Variants in EIF3H observed in about 807,000 individuals in gnomAD.
The protein encoded by EIF3H is eIF-3-gamma.
EIF3H carries 26 observed loss-of-function variants against 44.2 expected under a neutral mutation model. The observed-to-expected ratio is 0.59, with a 90% CI of 0.43 to 0.82. EIF3H has a LOEUF of 0.82. Ranked by LOEUF, EIF3H falls within the 40% of genes least tolerant of loss-of-function variation. The pLI, the probability that EIF3H is intolerant of heterozygous loss-of-function variation, is 0.00. For missense variants in EIF3H, 359 were observed against 432.8 expected (o/e 0.83, Z 1.51); for synonymous variants, 166 against 151.9 (o/e 1.09, Z -0.68).
chr8:116,743,358 G>C (rs1815161575), intron 1 of EIF3H, among the ~76,000 whole-genome samples: 2 of 152,110 alleles, frequency 1.3e-5, no homozygotes, highest in South Asian at 4.1e-4. Flanking sequence ...AGGCTGAGGA[G>C]GAGGATCACT....
In EIF3H at chr8:116,673,955, A is replaced by G. The variant is rs943370944; in HGVS notation, c.290-14975T>C. On this transcript the variant is annotated intron_variant, in intron 2 of 7. Coordinates refer to ENST00000521861, the MANE Select transcript of EIF3H (RefSeq NM_003756.3). ...CGTGGTGGTGGGCGCCTGTAGTCCC[A>G]GCTACCCGGGAGGCTGAGGCAGGAG... Among the ~76,000 whole-genome samples, 7 of 151,274 alleles carry G rather than the reference A, an allele frequency of 4.6e-5. No individual in the cohort carries two copies. In the South Asian group the frequency reaches 1.0e-3, roughly 23 times the overall value.
chr8:116,655,873 C>A lies in EIF3H; in HGVS notation c.690G>T (p.Leu230Phe), dbSNP rs761373388. ...KKSAVADKHE[L>F]LSLASSNHLG... ...CCACTTACCTGCTGGCAAGGCTGAG[C>A]AATTCATGTTTATCTGCAACAGCTG... The change falls in exon 5 of 8, where the codon TTG (leucine) becomes TTT (phenylalanine). Residue 230 changes from leucine (L) to phenylalanine (F), a missense_variant. Around this residue, in one of 5 missense-constraint regions of EIF3H, gnomAD observed 30 missense variants for 59.5 expected, o/e 0.50. Transcript: ENST00000521861. 3 of 1,613,708 alleles carry A rather than the reference C, an allele frequency of 1.9e-6. No homozygotes were observed. The highest frequency in any genetic ancestry group is 2.2e-5 in the East Asian group (1 of 44,846).
intron 2 of EIF3H, among the ~76,000 whole-genome samples, chr8:116,718,175 TACC>T (rs1333874898): frequency 6.6e-6 from 1 of 151,964 alleles, no homozygotes; most frequent in African/African-American, 2.4e-5. Flanking sequence ...CACAATGCAA[TACC>T]ACCTTACTCC....
intron 1 of EIF3H, among the ~76,000 whole-genome samples, chr8:116,755,184 T>C (rs966457640): frequency 6.6e-6 from 1 of 152,216 alleles, no homozygotes; most frequent in Admixed American, 6.5e-5. Flanking sequence ...TATTCTAAAT[T>C]ATACGGTTTC....
intron 1 of EIF3H, among the ~76,000 whole-genome samples, chr8:116,738,320 T>C (rs1332351494): frequency 1.3e-5 from 2 of 152,158 alleles, no homozygotes; most frequent in African/African-American, 2.4e-5. Context: ...ATTTGTAAAA[T>C]ATGGGCTGAA....
chr8:116,738,244 T>C (rs1815076193), intron 1 of EIF3H, among the ~76,000 whole-genome samples: 1 of 152,216 alleles, frequency 6.6e-6, no homozygotes. Context: ...TCATTTTTTC[T>C]GACAGTACTA....
intron 2 of EIF3H, among the ~76,000 whole-genome samples, chr8:116,661,435 C>T (rs562440852): frequency 1.5e-4 from 23 of 152,290 alleles, no homozygotes; most frequent in African/African-American, 4.1e-4. Context: ...ATCTAGAGGT[C>T]GAGGTTCTCA....
rs376099641 is a variant in EIF3H, at chr8:116,715,862, C to T, written c.289+10154G>A. Among the ~76,000 whole-genome samples the T allele has an allele frequency of 2.0e-5, 3 of 151,578 alleles. No homozygotes were observed. The East Asian group carries it at 5.8e-4, about 29-fold the overall frequency. ...TCTGCTAAGCTTGATAACAGTGCCC[C>T]CTAATGGGAATTTTAGTATGAGTTT... On this transcript the variant is annotated intron_variant, in intron 2 of 7. Coordinates refer to ENST00000521861, the MANE Select transcript of EIF3H (RefSeq NM_003756.3).
chr8:116,659,032 C>G, intron 2 of EIF3H, 52 bp from the exon 3 acceptor site: 1 of 1,483,264 alleles, frequency 6.7e-7, no homozygotes, highest in Non-Finnish European at 9.1e-7. Flanking sequence ...AATGATGTTA[C>G]CAACATCAAA....
At chr8:116,699,443 T>C (rs1215603517) in intron 2 of EIF3H, among the ~76,000 whole-genome samples, 1 of 152,152 alleles carries the variant, frequency 6.6e-6, no homozygotes, top group Non-Finnish European at 1.5e-5. Flanking sequence ...CAAATTAACC[T>C]AGGGACAGAA....
At chr8:116,711,459 TAAG>T (rs971784529) in intron 2 of EIF3H, among the ~76,000 whole-genome samples, 5 of 152,176 alleles carry the variant, frequency 3.3e-5, no homozygotes, top group African/African-American at 1.2e-4. Flanking sequence ...ATTAAAATAT[TAAG>T]AAGAAACAAT....
chr8:116,659,050 C>T (rs1000049573), intron 2 of EIF3H, 70 bp from the exon 3 acceptor site: 15 of 1,363,362 alleles, frequency 1.1e-5, no homozygotes, highest in African/African-American at 3.0e-5. Flanking sequence ...AAAAACAAGC[C>T]GTTTTGGAAA....
At chr8:116,727,274 C>T (rs763994834) in intron 1 of EIF3H, among the ~76,000 whole-genome samples, 10 of 151,240 alleles carry the variant, frequency 6.6e-5, no homozygotes, top group Admixed American at 2.0e-4. Context: ...AAAGTGGAAA[C>T]GAAGCTAAAA....
chr8:116,668,373 A>C (rs564084761), intron 2 of EIF3H, among the ~76,000 whole-genome samples: 1 of 152,330 alleles, frequency 6.6e-6, no homozygotes, highest in South Asian at 2.1e-4. Flanking sequence ...GAGATCATAC[A>C]AGGTTTTTGC....
In EIF3H at chr8:116,739,912, C is replaced by T. The variant is rs568556590; in HGVS notation, c.133-13740G>A. On this transcript the variant is annotated intron_variant, in intron 1 of 7. Coordinates refer to ENST00000521861, the MANE Select transcript of EIF3H (RefSeq NM_003756.3). ...TTCTCAGGTTATCAGTGGTAAAGAA[C>T]CCATTTTCCCCCAATCTATCACAGA... is the stretch of plus-strand genomic sequence containing the variant. 1.4e-4 allele frequency among the ~76,000 whole-genome samples: 21 copies of T among 152,222 alleles called. No individual in the cohort carries two copies. In the South Asian group the frequency reaches 4.1e-3, roughly 30 times the overall value.
At chr8:116,751,217 A>AAAAAAT (rs1554603733) in intron 1 of EIF3H, among the ~76,000 whole-genome samples, 13 of 147,126 alleles carry the variant, frequency 8.8e-5, no homozygotes, top group East Asian at 3.9e-4. Flanking sequence ...GTCTCAAAAA[A>AAAAAAT]AAAATAAAAT....
intron 2 of EIF3H, among the ~76,000 whole-genome samples, chr8:116,715,448 T>C (rs991280483): frequency 2.0e-5 from 3 of 152,088 alleles, no homozygotes; most frequent in Non-Finnish European, 4.4e-5. Context: ...AGTAAAAAGA[T>C]ATTATTTTAA....
intron 1 of EIF3H, among the ~76,000 whole-genome samples, chr8:116,743,406 G>A (rs561673930): frequency 6.6e-6 from 1 of 152,162 alleles, no homozygotes; most frequent in African/African-American, 2.4e-5. Flanking sequence ...AGCCATGACT[G>A]CACCACTACA....
rs1813252405 is a variant in EIF3H at position 116,643,352 on chromosome 8, G to A, written c.*1654C>T. 1 of 152,212 alleles carries A rather than the reference G, an allele frequency of 6.6e-6. No individual in the cohort carries two copies. The highest frequency in any genetic ancestry group is 6.5e-5 in the Admixed American group (1 of 15,278). The allele number at this position is 152,212 out of a possible 1,614,324, so 9.4% of individuals were successfully genotyped here. Reference sequence around the variant, plus strand: ...ATTTTACATACCCTTTGACTCGTAAGTCTATATCAAAGATTATCCTAAAGA... The same window carrying A: ...ATTTTACATACCCTTTGACTCGTAAATCTATATCAAAGATTATCCTAAAGA... On this transcript the variant is annotated 3_prime_UTR_variant, in exon 8 of 8. Transcript: ENST00000521861.
Sources: gnomAD v4.1 joint callset for allele counts (sites outside exome capture counted in the v4.1 genomes callset) on GRCh38, gnomAD v4.1.1 for gene constraint, gnomAD v4.1.1 regional missense constraint, MANE v1.5 for transcripts, NCBI Gene and HGNC (gene_info 2026-07-23, HGNC 2026-07-21) for gene names.